CNBD1: variants seen among roughly 807,000 people sequenced by gnomAD.
CNBD1 encodes the protein cyclic nucleotide binding domain containing 1.
In CNBD1, 71 loss-of-function variants were observed where a neutral mutation model predicts 54.4. That is an observed-to-expected ratio of 1.30 (90% confidence interval 1.08 to 1.59). The LOEUF (loss-of-function observed/expected upper bound fraction) is 1.59, where lower values mean the gene tolerates loss of function less well. Among genes scored for constraint, CNBD1 ranks in the 40% most tolerant of loss-of-function variants. CNBD1 has a pLI of 0.00. For synonymous variants in CNBD1, 182 were observed against 170.7 expected, an observed-to-expected ratio of 1.07 and a Z score of -0.51; for missense variants, 659 against 518.0, an observed-to-expected ratio of 1.27 and a Z score of -2.64.
intron 4 of CNBD1, among the ~76,000 whole-genome samples, chr8:87,030,311 A>G (rs1177007807): frequency 6.6e-6 from 1 of 152,224 alleles, no homozygotes. Context: ...TCAAATTATG[A>G]TGTAATGGTA....
intron 3 of CNBD1, among the ~76,000 whole-genome samples, chr8:86,925,049 A>G (rs7463976): frequency 0.55 from 84,212 of 151,918 alleles, 23,545 homozygotes; most frequent in South Asian, 0.6. Flanking sequence ...CTCTAACCTT[A>G]AAATATTCTT....
chr8:87,012,862 G>T (rs1809253518), intron 4 of CNBD1, among the ~76,000 whole-genome samples: 1 of 152,136 alleles, frequency 6.6e-6, no homozygotes, highest in African/African-American at 2.4e-5. Context: ...AAATGTATTT[G>T]ATTGATAACT....
At chr8:87,051,629 G>T (rs779966519) in intron 4 of CNBD1, among the ~76,000 whole-genome samples, 1 of 152,218 alleles carries the variant, frequency 6.6e-6, no homozygotes, top group Non-Finnish European at 1.5e-5. Context: ...ATAAAGGGAT[G>T]AGTTTGGCTA....
intron 4 of CNBD1, among the ~76,000 whole-genome samples, chr8:87,191,457 C>T (rs548765034): frequency 2.8e-4 from 42 of 152,306 alleles, no homozygotes; most frequent in African/African-American, 9.6e-4. Context: ...GTAACACCTT[C>T]AGAGACACCC....
intron 4 of CNBD1, among the ~76,000 whole-genome samples, chr8:86,967,547 A>G (rs150928570): frequency 1.2e-4 from 19 of 152,334 alleles, no homozygotes; most frequent in Admixed American, 1.0e-3. Context: ...AATGTCTTCT[A>G]TCTCAGAGAT....
At chr8:86,911,485 G>A (rs1809099055) in intron 3 of CNBD1, among the ~76,000 whole-genome samples, 1 of 152,148 alleles carries the variant, frequency 6.6e-6, no homozygotes, top group African/African-American at 2.4e-5. Context: ...CATAGTAGAT[G>A]TATGTATTTT....
At chr8:87,349,735 T>C in intron 8 of CNBD1, among the ~76,000 whole-genome samples, 1 of 152,228 alleles carries the variant, frequency 6.6e-6, no homozygotes, top group Non-Finnish European at 1.5e-5. Flanking sequence ...AGGAGGGTTT[T>C]GCTGTATTGT....
rs567487063 is a variant in CNBD1, at chr8:87,049,737, C to A, written c.431+109983C>A. ...TTTAACTGAACTGCAGATCCTCTAG[C>A]AGCAAGGTTTGATATTTGAGGAGGT... On this transcript the variant is annotated intron_variant, in intron 4 of 10. Transcript: ENST00000518476. Among the ~76,000 whole-genome samples, 5 of 152,320 alleles carry A rather than the reference C, an allele frequency of 3.3e-5. No individual in the cohort carries two copies. In the South Asian group the frequency reaches 8.3e-4, roughly 25 times the overall value.
intron 8 of CNBD1, among the ~76,000 whole-genome samples, chr8:87,303,889 C>T (rs1165715414): frequency 1.3e-5 from 2 of 152,160 alleles, no homozygotes; most frequent in Non-Finnish European, 2.9e-5. Flanking sequence ...TGAAAAAATG[C>T]TCACCATCAC....
rs71275901 is a variant in CNBD1 at position 86,951,581 on chromosome 8, CAAAAAAAAAAAAA to C, written c.431+11853_431+11865del. Among the ~76,000 whole-genome samples, 31 of 37,354 alleles carry C rather than the reference CAAAAAAAAAAAAA, an allele frequency of 8.3e-4. No individual in the cohort carries two copies. The East Asian group carries it at 0.014, about 17-fold the overall frequency. The allele number at this position is 37,354 out of a possible 152,430, so 24.5% of individuals were successfully genotyped here. A position where few individuals can be genotyped will look rare whatever the true frequency, so the allele number is the denominator to read the frequency against. ...GGTGACAGAGCGAGGCTCCGTCTCA[CAAAAAAAAAAAAA>C]AAAAAAAAAAAAAAAAAAAAAAAAA... On this transcript the variant is annotated intron_variant, in intron 4 of 10. Coordinates refer to ENST00000518476, the MANE Select transcript of CNBD1 (RefSeq NM_173538.3).
intron 2 of CNBD1, among the ~76,000 whole-genome samples, chr8:87,407,688 T>C (rs1329663607): frequency 6.6e-6 from 1 of 152,058 alleles, no homozygotes; most frequent in Non-Finnish European, 1.5e-5. Flanking sequence ...TTTATTTTAG[T>C]AATTTGGATA....
chr8:87,078,224 C>T (rs1210034639), intron 4 of CNBD1, among the ~76,000 whole-genome samples: 2 of 152,186 alleles, frequency 1.3e-5, no homozygotes, highest in African/African-American at 2.4e-5. Context: ...GTCAATAAGA[C>T]TAGGTGGGCT....
At chr8:87,306,198 A>G (rs369688085) in intron 8 of CNBD1, among the ~76,000 whole-genome samples, 3 of 152,294 alleles carry the variant, frequency 2.0e-5, no homozygotes, top group South Asian at 2.1e-4. Flanking sequence ...CAAAACTTCA[A>G]TGCGATACCA....
intron 2 of CNBD1, among the ~76,000 whole-genome samples, chr8:86,904,227 G>A (rs1417215309): frequency 6.6e-6 from 1 of 151,896 alleles, no homozygotes; most frequent in Admixed American, 6.6e-5. Flanking sequence ...GCAACTATTG[G>A]CTAAGATGTT....
intron 2 of CNBD1, among the ~76,000 whole-genome samples, chr8:87,411,288 G>A (rs1387616097): frequency 1.3e-5 from 2 of 150,818 alleles, no homozygotes; most frequent in African/African-American, 4.9e-5. Context: ...ATAAACAACA[G>A]GATTTCTTAC....
intron 1 of CNBD1, among the ~76,000 whole-genome samples, chr8:86,874,893 A>G (rs995935129): frequency 6.6e-6 from 1 of 150,380 alleles, no homozygotes; most frequent in African/African-American, 2.5e-5. Context: ...TGCTCTGTGC[A>G]TCATTGATCT....
At chr8:87,413,410 G>A (rs1388255022) in intron 2 of CNBD1, among the ~76,000 whole-genome samples, 4 of 151,840 alleles carry the variant, frequency 2.6e-5, no homozygotes, top group Non-Finnish European at 5.9e-5. Flanking sequence ...TTTGCTTCAG[G>A]TATTTACCTT....
chr8:86,934,804 G>A (rs7841043), intron 3 of CNBD1, among the ~76,000 whole-genome samples: 45,208 of 151,748 alleles, frequency 0.3, 6,946 homozygotes, highest in East Asian at 0.39. Context: ...AAATAGCGTA[G>A]GCTTTGTTAT....
Position 87,166,594 on chromosome 8 carries a change from A to C in CNBD1, c.432-39399A>C, listed in dbSNP as rs867273531. 6.6e-6 allele frequency among the ~76,000 whole-genome samples: 1 copy of C among 151,884 alleles called. No individual in the cohort carries two copies. Among genetic ancestry groups the C allele is most frequent in the Non-Finnish European group, 1.5e-5 (1 of 67,900 alleles). ...GGCCCAGCTCAGTTTCTCAATGTTC[A>C]TTATTTCCAAAGTCCAGCCCTTCTC... On this transcript the variant is annotated intron_variant, in intron 4 of 10. Transcript: ENST00000518476. The surrounding 1 kb of genome is among the most constrained non-coding windows in gnomAD (Gnocchi z 4.3).
Sources: gnomAD v4.1 joint callset for allele counts (sites outside exome capture counted in the v4.1 genomes callset) on GRCh38, gnomAD v4.1.1 for gene constraint, Gnocchi (gnomAD v3.1) non-coding constraint, MANE v1.5 for transcripts, NCBI Gene and HGNC (gene_info 2026-07-23, HGNC 2026-07-21) for gene names.